The following PCDHA11 variants were observed in gnomAD, a reference collection of about 807,000 sequenced individuals.
PCDHA11 encodes the protein protocadherin alpha-11.
Under a neutral mutation model 70.3 loss-of-function variants are expected in PCDHA11, and 61 were observed. That is an observed-to-expected ratio of 0.87 (90% CI 0.71 to 1.07). The LOEUF is 1.07. PCDHA11 is among the 50% of genes least tolerant of loss of function. The probability of loss-of-function intolerance (pLI) is 0.00; values close to 1 mark genes in which losing one functional copy is unlikely to be tolerated. For missense variants in PCDHA11, 1,324 were observed against 1,237.5 expected (o/e 1.07, Z -1.05); for synonymous variants, 633 against 555.1 (o/e 1.14, Z -1.97).
At chr5:140,876,607 T>C in intron 1 of PCDHA11, 1 of 1,614,186 alleles carries the variant, frequency 6.2e-7, no homozygotes, top group Non-Finnish European at 8.5e-7. Flanking sequence ...GGATCGTGAC[T>C]CTGGAGCCAA....
At chr5:140,909,438 T>C (rs2074496860) in intron 1 of PCDHA11, among the ~76,000 whole-genome samples, 1 of 152,222 alleles carries the variant, frequency 6.6e-6, no homozygotes, top group Non-Finnish European at 1.5e-5. Context: ...GATAATCCAC[T>C]GTCATTCTCC....
chr5:140,907,066 G>A (rs748785005), intron 1 of PCDHA11, among the ~76,000 whole-genome samples: 6 of 152,096 alleles, frequency 3.9e-5, no homozygotes, highest in Non-Finnish European at 8.8e-5. Context: ...TTTACTAGTG[G>A]GTCACTAGGG....
intron 1 of PCDHA11, among the ~76,000 whole-genome samples, chr5:140,912,042 A>G (rs782622902): frequency 6.6e-6 from 1 of 152,216 alleles, no homozygotes; most frequent in African/African-American, 2.4e-5. Flanking sequence ...CCAAGTCCCA[A>G]AGCTGAAGAA....
chr5:140,938,843 C>T (rs1232774282), intron 1 of PCDHA11, among the ~76,000 whole-genome samples: 3 of 152,012 alleles, frequency 2.0e-5, no homozygotes, highest in Admixed American at 6.6e-5. Flanking sequence ...AACAAACCTG[C>T]CCATGTACCC....
At chr5:140,969,501 A>G (rs2096338220) in intron 1 of PCDHA11, 20 of 1,431,968 alleles carry the variant, frequency 1.4e-5, no homozygotes, top group Non-Finnish European at 1.9e-5. Context: ...CTCTCTAGAA[A>G]AATAGCACTA....
chr5:140,911,343 C>G (rs1223805451), intron 1 of PCDHA11, among the ~76,000 whole-genome samples: 1 of 152,136 alleles, frequency 6.6e-6, no homozygotes, highest in African/African-American at 2.4e-5. Flanking sequence ...CAATCAATGC[C>G]CTCATTTCAA....
intron 1 of PCDHA11, among the ~76,000 whole-genome samples, chr5:140,905,945 T>C (rs2072222090): frequency 6.6e-6 from 1 of 152,150 alleles, no homozygotes; most frequent in Non-Finnish European, 1.5e-5. Flanking sequence ...GAACTTGGAA[T>C]CCGATGTTCA....
In PCDHA11 at chr5:140,870,642, C is replaced by A. The variant is rs373909591; in HGVS notation, c.1539C>A (p.Ser513Arg). ...LSSYVSVHAE[S>R]GKVYALQPLD... ...GCTACGTGTCGGTGCACGCGGAGAG[C>A]GGCAAGGTGTACGCGCTGCAGCCGT... Residue 513 changes from serine (S) to arginine (R), a missense_variant, in exon 1 of 4, where the codon AGC becomes AGA. Coordinates refer to ENST00000398640, the MANE Select transcript of PCDHA11 (RefSeq NM_018902.5). 2 of 1,612,746 alleles carry A rather than the reference C, an allele frequency of 1.2e-6. No homozygotes were observed. The highest frequency in any genetic ancestry group is 1.3e-5 in the African/African-American group (1 of 75,022).
At chr5:140,896,811 T>G (rs2065758053) in intron 1 of PCDHA11, among the ~76,000 whole-genome samples, 1 of 152,266 alleles carries the variant, frequency 6.6e-6, no homozygotes, top group African/African-American at 2.4e-5. Flanking sequence ...GGTTGTCTGT[T>G]TACTCTGTTC....
At chr5:140,997,840 A>G (rs2097788062) in intron 3 of PCDHA11, among the ~76,000 whole-genome samples, 2 of 152,216 alleles carry the variant, frequency 1.3e-5, no homozygotes, top group Non-Finnish European at 2.9e-5. Flanking sequence ...AATACAATAT[A>G]CATTCTTATA....
At chr5:140,899,714 T>C (rs1554188719) in intron 1 of PCDHA11, among the ~76,000 whole-genome samples, 1 of 152,242 alleles carries the variant, frequency 6.6e-6, no homozygotes, top group African/African-American at 2.4e-5. Context: ...TAGGGAGGAT[T>C]CCCTCTTTTT....
At chr5:140,917,326 G>GT (rs1425389614) in intron 1 of PCDHA11, among the ~76,000 whole-genome samples, 1 of 149,490 alleles carries the variant, frequency 6.7e-6, no homozygotes, top group Non-Finnish European at 1.5e-5. Flanking sequence ...TCATGTGGCG[G>GT]GGGAGGGGGG....
At chr5:140,940,599 C>T (rs1356432549) in intron 1 of PCDHA11, among the ~76,000 whole-genome samples, 2 of 151,918 alleles carry the variant, frequency 1.3e-5, no homozygotes, top group African/African-American at 4.8e-5. Context: ...AGGCATGAGC[C>T]GCTGCTCCTG....
At position 140,951,559 on chromosome 5, in the gene PCDHA11, G is replaced by A. The variant is rs545470803; in HGVS notation, c.2392-27390G>A. On this transcript the variant is annotated intron_variant, in intron 1 of 3. Transcript: ENST00000398640. ...AGCAAGGGACGGGGGGAAGTGCTAC[G>A]CACTTTTAAACAACCAGATTTCACG... 1.6e-4 allele frequency among the ~76,000 whole-genome samples: 25 copies of A among 152,040 alleles called. No individual in the cohort carries two copies. The South Asian group carries it at 5.2e-3, about 32-fold the overall frequency.
At chr5:140,901,407 G>T (rs2068648687) in intron 1 of PCDHA11, among the ~76,000 whole-genome samples, 2 of 152,130 alleles carry the variant, frequency 1.3e-5, no homozygotes, top group Non-Finnish European at 2.9e-5. Context: ...AGAGATAGGG[G>T]TCTAGTTTCA....
At chr5:141,009,476 C>T in intron 3 of PCDHA11, 151 bp from the exon 4 acceptor site, 4 of 1,420,154 alleles carry the variant, frequency 2.8e-6, no homozygotes, top group Non-Finnish European at 2.8e-6. Flanking sequence ...AATAAGTAAA[C>T]ACTTGCCTTG....
chr5:140,869,098 T>C lies in PCDHA11; in HGVS notation c.-6T>C, dbSNP rs1581867822. The C allele has an allele frequency of 4.4e-6, 7 of 1,596,122 alleles. No homozygotes were observed. Among genetic ancestry groups the C allele is most frequent in the Non-Finnish European group, 5.1e-6 (6 of 1,170,560 alleles). ...AAGCTTATTTTGGAAGCCAATTTCG[T>C]ATGCGATGTTTGGTTTTCAGAGAAG... On this transcript the variant is annotated 5_prime_UTR_variant, in exon 1 of 4. Transcript: ENST00000398640.
intron 1 of PCDHA11, among the ~76,000 whole-genome samples, chr5:140,926,209 T>C (rs553307318): frequency 1.8e-3 from 269 of 152,150 alleles, no homozygotes; most frequent in African/African-American, 6.3e-3. Flanking sequence ...GGGGGGCTCC[T>C]GTTTCCTTAA....
intron 1 of PCDHA11, among the ~76,000 whole-genome samples, chr5:140,973,418 T>G (rs1235123458): frequency 6.6e-6 from 1 of 152,212 alleles, no homozygotes; most frequent in East Asian, 1.9e-4. Flanking sequence ...CCACTCCAGT[T>G]TTTCATCCTC....
Sources: allele counts gnomAD v4.1 joint callset (sites outside exome capture counted in the v4.1 genomes callset), GRCh38; gene constraint gnomAD v4.1.1; transcripts MANE v1.5; gene names NCBI Gene and HGNC (gene_info 2026-07-23, HGNC 2026-07-21).